Variants in ELAPOR2 observed in about 807,000 individuals in gnomAD.
ELAPOR2 encodes the protein endosome-lysosome associated apoptosis and autophagy regulator family member 2.
ELAPOR2 carries 89 observed loss-of-function variants against 120.7 expected under a neutral mutation model. That is an observed-to-expected ratio of 0.74 (90% CI 0.62 to 0.88). ELAPOR2 has a LOEUF of 0.88. Among genes scored for constraint, ELAPOR2 ranks in the 40% least tolerant of loss-of-function variants. The pLI is 0.00. For synonymous variants in ELAPOR2, 444 were observed against 444.9 expected, an observed-to-expected ratio of 1.00 and a Z score of 0.03; for missense variants, 1,134 against 1,251.6, an observed-to-expected ratio of 0.91 and a Z score of 1.42.
chr7:87,042,429 A>G (rs992162331), intron 1 of ELAPOR2, among the ~76,000 whole-genome samples: 2 of 151,366 alleles, frequency 1.3e-5, no homozygotes, highest in Non-Finnish European at 2.9e-5. Flanking sequence ...CCACAGTGCA[A>G]TCAAACTAGA....
At chr7:86,995,284 G>A (rs766541445) in intron 1 of ELAPOR2, among the ~76,000 whole-genome samples, 2 of 152,128 alleles carry the variant, frequency 1.3e-5, no homozygotes, top group Admixed American at 6.6e-5. Context: ...AGCTGTCAGC[G>A]AACTATTACT....
intron 8 of ELAPOR2, among the ~76,000 whole-genome samples, chr7:86,934,929 A>G (rs1562930781): frequency 6.6e-6 from 1 of 151,782 alleles, no homozygotes; most frequent in Admixed American, 6.6e-5. Flanking sequence ...CAACCATCAC[A>G]TTTTGTGAAT....
chr7:87,018,868 T>C (rs1793950767), intron 1 of ELAPOR2, among the ~76,000 whole-genome samples: 1 of 152,192 alleles, frequency 6.6e-6, no homozygotes, highest in Non-Finnish European at 1.5e-5. Flanking sequence ...CTGGAGAAAG[T>C]TATGTAGCAA....
chr7:87,058,808 T>C (rs927360554), intron 1 of ELAPOR2, among the ~76,000 whole-genome samples: 1 of 151,840 alleles, frequency 6.6e-6, no homozygotes, highest in Non-Finnish European at 1.5e-5. Context: ...AGTGACACCA[T>C]ACATTGGCTT....
At chr7:86,942,467 C>G (rs992349956) in intron 4 of ELAPOR2, among the ~76,000 whole-genome samples, 2 of 151,996 alleles carry the variant, frequency 1.3e-5, no homozygotes, top group Non-Finnish European at 2.9e-5. Flanking sequence ...CTTGCATTCA[C>G]CATGCAGGCC....
At chr7:86,952,330 T>C (rs1421797895) in intron 2 of ELAPOR2, among the ~76,000 whole-genome samples, 1 of 152,158 alleles carries the variant, frequency 6.6e-6, no homozygotes, top group African/African-American at 2.4e-5. Context: ...CACAGTGCAT[T>C]TAAATAACCT....
chr7:86,926,789 C>G lies in ELAPOR2; in HGVS notation c.1217G>C (p.Gly406Ala). ...PPCNPGFYNN[G>A]SSSCHPCPPG... ...AGGACAGGGATGGCAAGAAGATGAT[C>G]CATTGTTATAAAATCCAGGGTTGCA... The change falls in exon 9 of 22, where the codon GGA becomes GCA. Residue 406 changes from glycine to alanine, a missense_variant. Physicochemically the swap from Gly to Ala is moderately conservative, Grantham distance 60 (BLOSUM62 0). This residue lies in a region of ELAPOR2 where 831 missense variants were observed against 867.6 expected (regional missense o/e 0.96). Transcript: ENST00000450689. The G allele has an allele frequency of 6.2e-7, 1 of 1,611,770 alleles. No homozygotes were observed. The highest frequency in any genetic ancestry group is 1.1e-5 in the South Asian group (1 of 90,906).
intron 1 of ELAPOR2, among the ~76,000 whole-genome samples, chr7:86,999,656 A>T (rs181842238): frequency 1.3e-5 from 2 of 152,318 alleles, no homozygotes; most frequent in East Asian, 3.9e-4. Flanking sequence ...AACCCTCTTT[A>T]GGGAAAATTA....
intron 1 of ELAPOR2, among the ~76,000 whole-genome samples, chr7:86,971,749 T>C (rs1286383261): frequency 2.0e-5 from 3 of 152,124 alleles, no homozygotes; most frequent in Non-Finnish European, 2.9e-5. Flanking sequence ...TGAGTTCTAA[T>C]TGACTTATCA....
chr7:87,005,124 A>G (rs1343686955), intron 1 of ELAPOR2, among the ~76,000 whole-genome samples: 1 of 152,160 alleles, frequency 6.6e-6, no homozygotes, highest in Non-Finnish European at 1.5e-5. Flanking sequence ...TGTGACCACA[A>G]AAAATGAATT....
intron 1 of ELAPOR2, among the ~76,000 whole-genome samples, chr7:87,052,371 C>T (rs1795134195): frequency 6.6e-6 from 1 of 152,206 alleles, no homozygotes; most frequent in African/African-American, 2.4e-5. Flanking sequence ...AACTTATTCA[C>T]TATCATGAGA....
At chr7:87,026,689 A>C (rs1794254394) in intron 1 of ELAPOR2, among the ~76,000 whole-genome samples, 2 of 152,242 alleles carry the variant, frequency 1.3e-5, no homozygotes, top group South Asian at 4.1e-4. Context: ...AGTTAAATTT[A>C]CATTATTTCT....
chr7:87,036,385 G>A (rs1006102229), intron 1 of ELAPOR2, among the ~76,000 whole-genome samples: 1 of 152,202 alleles, frequency 6.6e-6, no homozygotes, highest in Non-Finnish European at 1.5e-5. Flanking sequence ...TCGGGAGGCT[G>A]AGGTTGGAGG....
chr7:86,973,899 T>C (rs563950527), intron 1 of ELAPOR2, among the ~76,000 whole-genome samples: 21 of 152,196 alleles, frequency 1.4e-4, no homozygotes, highest in Middle Eastern at 3.4e-3. Flanking sequence ...TTGGTTTCTA[T>C]TATATGACAA....
At chr7:86,931,240 T>TAC (rs148752409) in intron 8 of ELAPOR2, among the ~76,000 whole-genome samples, 2,788 of 151,976 alleles carry the variant, frequency 0.018, 89 homozygotes, top group African/African-American at 0.064. Context: ...CACATATATA[T>TAC]ACACACACAT....
intron 1 of ELAPOR2, among the ~76,000 whole-genome samples, chr7:87,024,113 G>C (rs1235135660): frequency 6.6e-6 from 1 of 152,142 alleles, no homozygotes; most frequent in Non-Finnish European, 1.5e-5. Context: ...TTGAATAGGA[G>C]TGGAGAGAGG....
At chr7:86,906,937 T>C (rs1789048912) in intron 18 of ELAPOR2, among the ~76,000 whole-genome samples, 1 of 151,898 alleles carries the variant, frequency 6.6e-6, no homozygotes, top group African/African-American at 2.4e-5. Context: ...TGTTGAAAAA[T>C]GAATATCTGA....
chr7:86,953,461 CT>C (rs1791349309), intron 2 of ELAPOR2, among the ~76,000 whole-genome samples: 1 of 152,184 alleles, frequency 6.6e-6, no homozygotes, highest in South Asian at 2.1e-4. Context: ...TTCCTTTTAT[CT>C]TCCATCCTAG....
intron 18 of ELAPOR2, among the ~76,000 whole-genome samples, chr7:86,905,538 A>C (rs1179849762): frequency 6.6e-6 from 1 of 152,186 alleles, no homozygotes; most frequent in African/African-American, 2.4e-5. Context: ...ATGAAGATTT[A>C]TCAAACATGG....
Sources: allele counts gnomAD v4.1 joint callset (sites outside exome capture counted in the v4.1 genomes callset), GRCh38; gene constraint gnomAD v4.1.1; regional missense constraint gnomAD v4.1.1; transcripts MANE v1.5; gene names NCBI Gene and HGNC (gene_info 2026-07-23, HGNC 2026-07-21).